The following QTGAL variants were observed in gnomAD, a reference collection of about 807,000 sequenced individuals.
The protein encoded by QTGAL is BGnT-like protein 1.
the QTGAL span, among the ~76,000 whole-genome samples, chr17:83,000,919 G>C: frequency 6.6e-6 from 1 of 152,204 alleles, no homozygotes; most frequent in Non-Finnish European, 1.5e-5. Context: ...TAAAACTGCT[G>C]TGCAGGCAGA....
the QTGAL span, among the ~76,000 whole-genome samples, chr17:82,967,359 G>C: frequency 6.6e-6 from 1 of 152,194 alleles, no homozygotes; most frequent in Non-Finnish European, 1.5e-5. Context: ...CAATGGCTGA[G>C]AACCATCGTG....
At chr17:82,990,791 C>T in the QTGAL span, among the ~76,000 whole-genome samples, 52 of 152,250 alleles carry the variant, frequency 3.4e-4, no homozygotes, top group East Asian at 8.3e-3. Context: ...TTAGATTTCA[C>T]GTGAGGGTGG....
chr17:82,958,281 C>G, the QTGAL span, among the ~76,000 whole-genome samples: 31 of 152,284 alleles, frequency 2.0e-4, no homozygotes, highest in African/African-American at 7.5e-4. Context: ...GCTGTCCTCC[C>G]CAATGGCCGC....
the QTGAL span, among the ~76,000 whole-genome samples, chr17:83,002,449 C>A: frequency 6.6e-6 from 1 of 152,208 alleles, no homozygotes; most frequent in Non-Finnish European, 1.5e-5. Context: ...AGTATTTTCA[C>A]AACTTCACTG....
the QTGAL span, chr17:82,960,992 G>A: frequency 5.2e-5 from 81 of 1,546,538 alleles, no homozygotes; most frequent in Middle Eastern, 4.7e-4. Flanking sequence ...CCCCGGCCCC[G>A]ACCTCGGGCG....
the QTGAL span, among the ~76,000 whole-genome samples, chr17:82,997,952 T>C: frequency 1.3e-5 from 2 of 148,896 alleles, no homozygotes; most frequent in Non-Finnish European, 3.0e-5. Flanking sequence ...TATATATCTA[T>C]ATCTATCTAG....
chr17:83,039,249 G>A, the QTGAL span, among the ~76,000 whole-genome samples: 5 of 144,440 alleles, frequency 3.5e-5, no homozygotes, highest in African/African-American at 1.0e-4. Flanking sequence ...ACTGCTGGGC[G>A]CCCGCCGCCC....
At chr17:83,019,420 T>G in the QTGAL span, among the ~76,000 whole-genome samples, 1 of 152,196 alleles carries the variant, frequency 6.6e-6, no homozygotes. Context: ...TTTAAAAAAC[T>G]AAAAGATATA....
the QTGAL span, among the ~76,000 whole-genome samples, chr17:82,954,574 TC>T: frequency 1.3e-5 from 2 of 152,118 alleles, no homozygotes; most frequent in African/African-American, 4.8e-5. Flanking sequence ...ATTTATAGAT[TC>T]AATCCCATTC....
chr17:82,966,083 CTTTT>C, the QTGAL span, among the ~76,000 whole-genome samples: 2 of 141,136 alleles, frequency 1.4e-5, no homozygotes, highest in Non-Finnish European at 1.5e-5. Flanking sequence ...CTGATTTTTA[CTTTT>C]TTTTTTTTTT....
chr17:83,022,874 G>A, the QTGAL span, among the ~76,000 whole-genome samples: 11 of 8,490 alleles, frequency 1.3e-3, no homozygotes, highest in East Asian at 6.8e-3. Context: ...GTGAACTCAC[G>A]TTAGCTTAGC....
chr17:82,957,320 G>A, the QTGAL span: 24 of 1,613,796 alleles, frequency 1.5e-5, no homozygotes, highest in Non-Finnish European at 1.9e-5. Flanking sequence ...ACAGTACGGG[G>A]GCAGGGCAGG....
At chr17:82,982,633 C>T in the QTGAL span, among the ~76,000 whole-genome samples, 1 of 151,560 alleles carries the variant, frequency 6.6e-6, no homozygotes, top group Non-Finnish European at 1.5e-5. Flanking sequence ...ACTCCAGCTT[C>T]CAAAACGGTG....
the QTGAL span, chr17:83,048,871 G>C: frequency 3.8e-6 from 4 of 1,055,896 alleles, no homozygotes; most frequent in South Asian, 5.2e-5. Context: ...TTCACCACCC[G>C]CACATATGCC....
the QTGAL span, among the ~76,000 whole-genome samples, chr17:82,964,255 CAA>C: frequency 8.3e-5 from 6 of 72,446 alleles, no homozygotes; most frequent in Admixed American, 1.9e-4. Flanking sequence ...GACCCTGTCT[CAA>C]AAAAAAAAAA....
At chr17:82,950,539 C>T in the QTGAL span, among the ~76,000 whole-genome samples, 1 of 152,158 alleles carries the variant, frequency 6.6e-6, no homozygotes, top group African/African-American at 2.4e-5. Flanking sequence ...GTTTACTCAC[C>T]TAAATGTCCC....
At chr17:82,950,895 C>T in the QTGAL span, among the ~76,000 whole-genome samples, 378 of 152,294 alleles carry the variant, frequency 2.5e-3, 3 homozygotes, top group Middle Eastern at 0.01. Context: ...TGGGCCTTGC[C>T]GTTCCATTTC....
At chr17:83,006,068 G>A in the QTGAL span, 2,817 of 1,005,462 alleles carry the variant, frequency 2.8e-3, 53 homozygotes, top group African/African-American at 0.038. The surrounding 1 kb of genome is among the most constrained non-coding windows in gnomAD (Gnocchi z 5.8). Flanking sequence ...CCCAGGGCCA[G>A]CAGAGCCTCC....
chr17:83,005,737 T>C, the QTGAL span: 1 of 786,008 alleles, frequency 1.3e-6, no homozygotes, highest in Non-Finnish European at 2.1e-6. This position sits in a 1 kb window ranked among gnomAD's most constrained non-coding sequence, Gnocchi z 5.6. Flanking sequence ...TCCCCGGGCA[T>C]CCAGGCCAGC....
Sources: allele counts gnomAD v4.1 joint callset (sites outside exome capture counted in the v4.1 genomes callset), GRCh38; gene constraint gnomAD v4.1.1; non-coding constraint Gnocchi (gnomAD v3.1); transcripts MANE v1.5; gene names NCBI Gene and HGNC (gene_info 2026-07-23, HGNC 2026-07-21).